The following CAP1 variants were observed in gnomAD, a reference collection of about 807,000 sequenced individuals.
The protein encoded by CAP1 is cyclase associated actin cytoskeleton regulatory protein 1.
CAP1 carries 11 observed loss-of-function variants against 58.2 expected under a neutral mutation model. That is an observed-to-expected ratio of 0.19 (90% CI 0.12 to 0.31). The LOEUF (loss-of-function observed/expected upper bound fraction) is 0.31. CAP1 is among the 10% of genes least tolerant of loss of function. The probability of loss-of-function intolerance (pLI) is 1.00; values close to 1 mark genes in which losing one functional copy is unlikely to be tolerated. For missense variants in CAP1, 423 were observed against 587.5 expected (o/e 0.72, Z 2.89); for synonymous variants, 183 against 213.8 (o/e 0.86, Z 1.26).
chr1:40,067,777 C>CA, intron 8 of CAP1, 60 bp downstream of exon 8: 1 of 1,233,544 alleles, frequency 8.1e-7, no homozygotes, highest in Non-Finnish European at 1.2e-6. Context: ...CAGACCCCAC[C>CA]AACCAGAACC....
intron 4 of CAP1, 30 bp downstream of exon 4, chr1:40,061,842 G>A: frequency 2.0e-6 from 3 of 1,515,920 alleles, no homozygotes; most frequent in Non-Finnish European, 2.8e-6. Flanking sequence ...GTTTCATTTT[G>A]GTTTGATGCT....
rs1306495750 is a variant in CAP1 at position 40,064,576 on chromosome 1, C to T, written c.524+17C>T. The T allele has an allele frequency of 6.3e-7, 1 of 1,594,298 alleles. No individual in the cohort carries two copies. Among genetic ancestry groups the T allele is most frequent in the East Asian group, 2.2e-5 (1 of 44,808 alleles). On this transcript the variant is annotated intron_variant, in intron 6 of 12. Transcript: ENST00000372805. The stretch of plus-strand genomic sequence containing the variant: ...CAAAGATGTGTAAGTTCAGCCTTTT[C>T]TCTCTTTTTTTCTTTTCTGAGACAG...
At chr1:40,059,165 AT>A (rs1646742515) in intron 1 of CAP1, among the ~76,000 whole-genome samples, 171 bp from the exon 2 acceptor site, 1 of 151,948 alleles carries the variant, frequency 6.6e-6, no homozygotes, top group Non-Finnish European at 1.5e-5. Context: ...TTTATCTGAT[AT>A]TTTTGTATTG....
intron 3 of CAP1, among the ~76,000 whole-genome samples, chr1:40,060,548 GT>G (rs1374640058): frequency 6.6e-6 from 1 of 152,128 alleles, no homozygotes; most frequent in African/African-American, 2.4e-5. Context: ...ATGCTTGATA[GT>G]TATTAGTTAT....
intron 1 of CAP1, among the ~76,000 whole-genome samples, chr1:40,056,578 T>C (rs1396995472): frequency 6.6e-6 from 1 of 152,224 alleles, no homozygotes; most frequent in South Asian, 2.1e-4. Flanking sequence ...ATTGTAGTTG[T>C]GAGCCACAGT....
chr1:40,042,509 A>G (rs1326376173), intron 1 of CAP1, among the ~76,000 whole-genome samples: 3 of 152,202 alleles, frequency 2.0e-5, no homozygotes, highest in African/African-American at 4.8e-5. Flanking sequence ...AAAGACCATG[A>G]CGAGTTCAGT....
chr1:40,056,380 C>T (rs984220229), intron 1 of CAP1, among the ~76,000 whole-genome samples: 5 of 151,930 alleles, frequency 3.3e-5, no homozygotes, highest in Admixed American at 6.6e-5. Context: ...ATTGCATCCT[C>T]GACCTCCTGG....
chr1:40,068,242 TACC>T (rs913119031), intron 8 of CAP1, among the ~76,000 whole-genome samples: 12 of 152,312 alleles, frequency 7.9e-5, no homozygotes, highest in African/African-American at 2.6e-4. Context: ...AATGGCTAAC[TACC>T]ACATGTCCTC....
chr1:40,065,645 G>A (rs1336398193), intron 6 of CAP1, among the ~76,000 whole-genome samples: 1 of 152,206 alleles, frequency 6.6e-6, no homozygotes, highest in Non-Finnish European at 1.5e-5. Context: ...GAAGAGAGGG[G>A]ACTTGAACCG....
intron 1 of CAP1, among the ~76,000 whole-genome samples, chr1:40,051,447 A>G (rs1329313874): frequency 6.6e-6 from 1 of 152,152 alleles, no homozygotes; most frequent in Non-Finnish European, 1.5e-5. Context: ...TTATAGTCCC[A>G]GTAGTCCCAG....
intron 4 of CAP1, among the ~76,000 whole-genome samples, chr1:40,063,886 AAAAG>A (rs1181592677): frequency 1.3e-5 from 2 of 152,172 alleles, no homozygotes; most frequent in African/African-American, 4.8e-5. Flanking sequence ...TCATGGGAAA[AAAAG>A]AGAACATCAT....
intron 1 of CAP1, among the ~76,000 whole-genome samples, chr1:40,054,613 T>C (rs1425326349): frequency 6.6e-6 from 1 of 152,118 alleles, no homozygotes; most frequent in Non-Finnish European, 1.5e-5. Context: ...TCTTAGACTC[T>C]GAAGGCTATT....
At chr1:40,062,592 A>G (rs961243484) in intron 4 of CAP1, among the ~76,000 whole-genome samples, 1 of 152,098 alleles carries the variant, frequency 6.6e-6, no homozygotes, top group Non-Finnish European at 1.5e-5. Flanking sequence ...TCTATTAAAA[A>G]TTAAAAAAAT....
Position 40,070,144 on chromosome 1 carries a change from ATCTC to A in CAP1, c.994-9_994-6del, listed in dbSNP as rs780909559. The A allele has an allele frequency of 5.0e-5, 80 of 1,613,640 alleles. No homozygotes were observed. Among genetic ancestry groups the A allele is most frequent in the African/African-American group, 1.6e-4 (12 of 74,908 alleles). On this transcript the variant is annotated splice_polypyrimidine_tract_variant and intron_variant, in intron 9 of 12. Coordinates refer to ENST00000372805, the MANE Select transcript of CAP1 (RefSeq NM_006367.4). ...TGTGCTTTGTGATGAGAATCCTGGG[ATCTC>A]TCTCTAACAGGAAAATCAGGAAAAT... is the stretch of plus-strand genomic sequence containing the variant.
chr1:40,056,601 T>A (rs1471996486), intron 1 of CAP1, among the ~76,000 whole-genome samples: 1 of 152,124 alleles, frequency 6.6e-6, no homozygotes, highest in Non-Finnish European at 1.5e-5. Flanking sequence ...TTGGCCTGAA[T>A]CTAAAATTTA....
intron 1 of CAP1, among the ~76,000 whole-genome samples, chr1:40,044,336 C>T (rs574510565): frequency 1.3e-5 from 2 of 152,194 alleles, no homozygotes; most frequent in South Asian, 4.1e-4. Flanking sequence ...GGAAGCCGAA[C>T]CTCTGGTTTG....
In CAP1 at chr1:40,071,860, T is replaced by C. The variant is rs149404196; in HGVS notation, c.*327T>C. ...GGTTATTCTACCAACAAACAGTCCA[T>C]TGGAAAGAAAACAGTCCCTGGAATT... On this transcript the variant is annotated 3_prime_UTR_variant, in exon 13 of 13. Transcript: ENST00000372805. The C allele has an allele frequency of 3.1e-4, 137 of 445,700 alleles. 1 individual carries two copies. Among genetic ancestry groups the C allele is most frequent in the African/African-American group, 2.3e-3 (114 of 50,376 alleles). The allele number at this position is 445,700 out of a possible 1,614,324, so 27.6% of individuals were successfully genotyped here.
At chr1:40,051,406 ACACAC>A (rs1486359676) in intron 1 of CAP1, among the ~76,000 whole-genome samples, 1 of 151,960 alleles carries the variant, frequency 6.6e-6, no homozygotes, top group African/African-American at 2.4e-5. Context: ...ACACACACAC[ACACAC>A]AAAAGCCAGG....
chr1:40,059,032 T>TTTTTTTTTTTTTTTTTTTTTTTTTTTTTA (rs1553163419), intron 1 of CAP1, among the ~76,000 whole-genome samples: 1 of 152,022 alleles, frequency 6.6e-6, no homozygotes, highest in Non-Finnish European at 1.5e-5. Flanking sequence ...TCTAACTTTC[T>TTTTTTTTTTTTTTTTTTTTTTTTTTTTTA]ACACACAGTA....
Sources: allele counts gnomAD v4.1 joint callset (sites outside exome capture counted in the v4.1 genomes callset), GRCh38; gene constraint gnomAD v4.1.1; transcripts MANE v1.5; gene names NCBI Gene and HGNC (gene_info 2026-07-23, HGNC 2026-07-21).